Variants in ACSBG1 observed in about 807,000 individuals in gnomAD.
The protein encoded by ACSBG1 is long-chain-fatty-acid--CoA ligase ACSBG1.
Under a neutral mutation model 80.2 loss-of-function variants are expected in ACSBG1, and 39 were observed. The ratio of observed to expected loss-of-function variants is 0.49; its 90% confidence interval spans 0.38 to 0.64. ACSBG1 has a LOEUF of 0.64. ACSBG1 is among the 30% of genes least tolerant of loss of function. The pLI is 0.00. For missense variants in ACSBG1, 828 were observed against 966.4 expected (o/e 0.86, Z 1.90); for synonymous variants, 392 against 379.5 (o/e 1.03, Z -0.38).
At chr15:78,221,059 GGCCCTGCCCCTCCA>G (rs934548636) in intron 1 of ACSBG1, among the ~76,000 whole-genome samples, 10 of 152,184 alleles carry the variant, frequency 6.6e-5, no homozygotes, top group African/African-American at 2.4e-4. Flanking sequence ...CCCTGAAGGG[GGCCCTGCCCCTCCA>G]CACCTCTGGG....
intron 11 of ACSBG1, among the ~76,000 whole-genome samples, chr15:78,176,837 AG>A (rs1409239227): frequency 2.0e-5 from 3 of 152,214 alleles, no homozygotes; most frequent in Admixed American, 2.0e-4. Flanking sequence ...GCTGGACCGG[AG>A]GATCACTTGA....
chr15:78,189,061 C>A (rs1375138399), intron 5 of ACSBG1, among the ~76,000 whole-genome samples: 4 of 152,046 alleles, frequency 2.6e-5, no homozygotes, highest in Non-Finnish European at 4.4e-5. Flanking sequence ...CCAAAAAACA[C>A]ATGAAAAAAT....
chr15:78,227,627 T>G (rs771103840), intron 1 of ACSBG1, among the ~76,000 whole-genome samples: 1 of 152,170 alleles, frequency 6.6e-6, no homozygotes, highest in Non-Finnish European at 1.5e-5. Flanking sequence ...GTAATTCTAT[T>G]CCTAGGGATT....
At chr15:78,189,921 A>G (rs868656877) in intron 5 of ACSBG1, among the ~76,000 whole-genome samples, 7 of 152,250 alleles carry the variant, frequency 4.6e-5, no homozygotes, top group Middle Eastern at 3.4e-3. Context: ...GATGTTGAAT[A>G]TAAAAGAACA....
chr15:78,175,603 G>C (rs930018497), intron 11 of ACSBG1, among the ~76,000 whole-genome samples: 5 of 152,268 alleles, frequency 3.3e-5, no homozygotes. Flanking sequence ...ACAGAGGCTG[G>C]AGAGGAGCAG....
At chr15:78,202,262 G>A (rs2075176124) in intron 2 of ACSBG1, among the ~76,000 whole-genome samples, 1 of 152,052 alleles carries the variant, frequency 6.6e-6, no homozygotes, top group Non-Finnish European at 1.5e-5. Flanking sequence ...CCAGGCTGGA[G>A]TGCTGTGGCA....
intron 1 of ACSBG1, among the ~76,000 whole-genome samples, chr15:78,229,476 C>T (rs1008498344): frequency 9.2e-5 from 14 of 152,170 alleles, no homozygotes; most frequent in Non-Finnish European, 2.1e-4. Flanking sequence ...AGAGGCAGAG[C>T]GCACTCTCTG....
intron 1 of ACSBG1, among the ~76,000 whole-genome samples, chr15:78,222,005 C>A (rs1053029945): frequency 6.6e-6 from 1 of 152,146 alleles, no homozygotes; most frequent in African/African-American, 2.4e-5. Context: ...TCTACATAGA[C>A]ACAGTAACAA....
chr15:78,171,427 G>T lies in ACSBG1; in HGVS notation c.*17C>A. ...GCCTGCCCTCTATTCTATAGAAACT[G>T]CAGGCATAGGCCCTGATTACATTTT... On this transcript the variant is annotated 3_prime_UTR_variant, in exon 14 of 14. Transcript: ENST00000258873. 6.2e-7 allele frequency: 1 copy of T among 1,608,210 alleles called. No individual in the cohort carries two copies. The highest frequency in any genetic ancestry group is 8.5e-7 in the Non-Finnish European group (1 of 1,174,800).
chr15:78,181,784 T>G (rs556623327), intron 8 of ACSBG1, among the ~76,000 whole-genome samples, 185 bp downstream of exon 8: 1 of 152,274 alleles, frequency 6.6e-6, no homozygotes, highest in Admixed American at 6.5e-5. Flanking sequence ...TGAGCCACCG[T>G]GCCCGGCCTA....
intron 5 of ACSBG1, among the ~76,000 whole-genome samples, chr15:78,183,790 C>T (rs1372259024): frequency 6.6e-6 from 1 of 151,030 alleles, no homozygotes; most frequent in African/African-American, 2.4e-5. Context: ...TGCCTGTGAT[C>T]CCAGCTACTT....
rs1474179338 is a variant in ACSBG1 at position 78,180,835 on chromosome 15, AGCC to A, written c.1170_1172del (p.Ala391del). The A allele has an allele frequency of 1.2e-6, 2 of 1,614,166 alleles. No individual in the cohort carries two copies. The highest frequency in any genetic ancestry group is 2.2e-5 in the South Asian group (2 of 91,088). ...TCTTTCGCCGGATGAAGCCAGACTG[AGCC>A]GCCACCTCCTGGATGCGCTCCATGA... On this transcript the variant is annotated inframe_deletion, in exon 9 of 14. Transcript: ENST00000258873.
At chr15:78,210,645 G>A (rs568903731) in intron 1 of ACSBG1, among the ~76,000 whole-genome samples, 1 of 152,270 alleles carries the variant, frequency 6.6e-6, no homozygotes, top group Non-Finnish European at 1.5e-5. Context: ...ACAGGGCCTT[G>A]CTCTGTTACC....
intron 1 of ACSBG1, among the ~76,000 whole-genome samples, chr15:78,220,263 G>A (rs915703711): frequency 6.6e-6 from 1 of 152,026 alleles, no homozygotes; most frequent in Non-Finnish European, 1.5e-5. Context: ...AATAATGCTG[G>A]GACATGTGCC....
At chr15:78,211,290 G>A (rs866081465) in intron 1 of ACSBG1, among the ~76,000 whole-genome samples, 45 of 152,244 alleles carry the variant, frequency 3.0e-4, no homozygotes, top group African/African-American at 8.4e-4. Flanking sequence ...CGCCGAAGGC[G>A]ATTAACATAT....
chr15:78,195,001 CTG>C (rs1236639117), intron 2 of ACSBG1, among the ~76,000 whole-genome samples: 2 of 152,240 alleles, frequency 1.3e-5, no homozygotes, highest in Non-Finnish European at 2.9e-5. Context: ...CCTAGACACT[CTG>C]TTCCTTCTTT....
At chr15:78,186,074 T>A (rs1412131044) in intron 5 of ACSBG1, among the ~76,000 whole-genome samples, 1 of 152,230 alleles carries the variant, frequency 6.6e-6, no homozygotes, top group Non-Finnish European at 1.5e-5. Flanking sequence ...TGGGTGCTCC[T>A]GTATTGGGTG....
At chr15:78,221,452 C>T (rs1199536418) in intron 1 of ACSBG1, among the ~76,000 whole-genome samples, 3 of 152,182 alleles carry the variant, frequency 2.0e-5, no homozygotes, top group African/African-American at 7.2e-5. Flanking sequence ...AGTATTTCTG[C>T]CAGCACATCT....
At chr15:78,198,673 T>C (rs2075137783) in intron 2 of ACSBG1, among the ~76,000 whole-genome samples, 1 of 152,228 alleles carries the variant, frequency 6.6e-6, no homozygotes, top group Admixed American at 6.5e-5. Context: ...ATGACAAAAA[T>C]ATGCATACTT....
Sources: gnomAD v4.1 joint callset for allele counts (sites outside exome capture counted in the v4.1 genomes callset) on GRCh38, gnomAD v4.1.1 for gene constraint, MANE v1.5 for transcripts, NCBI Gene and HGNC (gene_info 2026-07-23, HGNC 2026-07-21) for gene names.